USP24: variants seen among roughly 807,000 people sequenced by gnomAD.
USP24 encodes the protein ubiquitin carboxyl-terminal hydrolase 24.
Under a neutral mutation model 361.6 loss-of-function variants are expected in USP24, and 97 were observed. The ratio of observed to expected loss-of-function variants is 0.27; its 90% CI spans 0.23 to 0.32. The LOEUF (loss-of-function observed/expected upper bound fraction) is 0.32, where lower values mean the gene tolerates loss of function less well. USP24 is among the 10% of genes least tolerant of loss of function. The pLI is 1.00. For synonymous variants in USP24, 1,098 were observed against 1,124.6 expected (o/e 0.98, Z 0.47); for missense variants, 2,353 against 3,165.6 (o/e 0.74, Z 6.16).
chr1:55,147,537 C>T, intron 18 of USP24, 112 bp downstream of exon 18: 1 of 1,161,812 alleles, frequency 8.6e-7, no homozygotes, highest in Non-Finnish European at 1.1e-6. Context: ...TACAAAGATA[C>T]CTCATACAAC....
Position 55,142,755 on chromosome 1 carries a change from T to C in USP24, c.2621A>G (p.Tyr874Cys). Residue 874 changes from tyrosine to cysteine, a missense_variant, in exon 23 of 68, where the codon TAC (tyrosine) becomes TGC (cysteine). Coordinates refer to ENST00000294383, the MANE Select transcript of USP24 (RefSeq NM_015306.3). ...TTTGCTACTCACTTCTAATCTTGTG[T>C]AGCAATCAGCAATGAATTTCTTATG... Reference protein sequence around the residue: ...SLHKKFIADCYTRLEAASSAL... With the variant: ...SLHKKFIADCCTRLEAASSAL... 1 of 1,550,296 alleles carries C rather than the reference T, an allele frequency of 6.5e-7. No individual in the cohort carries two copies. The highest frequency in any genetic ancestry group is 8.7e-7 in the Non-Finnish European group (1 of 1,145,404).
chr1:55,096,374 C>T, intron 50 of USP24, 124 bp downstream of exon 50: 1 of 798,180 alleles, frequency 1.3e-6, no homozygotes, highest in Admixed American at 4.0e-5. Flanking sequence ...GGTTCTATTG[C>T]TAGAACAGTA....
At chr1:55,094,182 A>G in intron 51 of USP24, 95 bp from the exon 52 acceptor site, 1 of 1,258,550 alleles carries the variant, frequency 7.9e-7, no homozygotes, top group South Asian at 1.5e-5. Context: ...CGGGTATTAG[A>G]CTATTTGATT....
chr1:55,138,969 G>A lies in USP24; in HGVS notation c.2792C>T (p.Ala931Val), dbSNP rs1646813678. The A allele has an allele frequency of 6.2e-7, 1 of 1,612,594 alleles. No homozygotes were observed. Among genetic ancestry groups the A allele is most frequent in the Non-Finnish European group, 8.5e-7 (1 of 1,179,328 alleles). The change falls in exon 25 of 68, where the codon GCA (alanine) becomes GTA (valine). Residue 931 changes from alanine (A) to valine (V), a missense_variant. Ala to Val is a moderately conservative substitution (Grantham distance 64). This residue lies in a region of USP24 where 949 missense variants were observed against 1,280.5 expected (regional missense o/e 0.74). Transcript: ENST00000294383. Reference sequence around the variant, plus strand: ...CTCTATAGTGATCACATAGCGCTCTGCCAGAAGCAGCAATCTCTCAATTAT... The same window carrying A: ...CTCTATAGTGATCACATAGCGCTCTACCAGAAGCAGCAATCTCTCAATTAT... The part of the protein sequence containing the change: ...LVIIERLLLL[A>V]ERYVITIEDF...
intron 1 of USP24, among the ~76,000 whole-genome samples, chr1:55,186,760 G>T (rs1333381189): frequency 6.6e-6 from 1 of 152,138 alleles, no homozygotes; most frequent in East Asian, 1.9e-4. Context: ...CCAAGGGCTG[G>T]GTGCAGGGGG....
At chr1:55,195,381 G>C (rs1282319934) in intron 1 of USP24, among the ~76,000 whole-genome samples, 5 of 152,122 alleles carry the variant, frequency 3.3e-5, no homozygotes, top group African/African-American at 4.8e-5. Flanking sequence ...TTCGAGCGTT[G>C]AGATTCCTCC....
intron 55 of USP24, 38 bp downstream of exon 55, chr1:55,089,589 A>T: frequency 7.2e-7 from 1 of 1,395,722 alleles, no homozygotes; most frequent in Non-Finnish European, 9.8e-7. Flanking sequence ...ACTGGAAGAG[A>T]CACAAATTTC....
chr1:55,109,471 A>T (rs1198604447), intron 39 of USP24, among the ~76,000 whole-genome samples: 1 of 152,202 alleles, frequency 6.6e-6, no homozygotes, highest in Non-Finnish European at 1.5e-5. Context: ...CTTACAGGGT[A>T]TTTGAACAAC....
In USP24 at chr1:55,074,465, C is replaced by T. The variant is rs565869033; in HGVS notation, c.7448-559G>A. Reference sequence around the variant, plus strand: ...CCTGAGCAACATGATGAAAGTCTGTCTCTACAAAAAAATACAAAAATTAGC... The same window carrying T: ...CCTGAGCAACATGATGAAAGTCTGTTTCTACAAAAAAATACAAAAATTAGC... On this transcript the variant is annotated intron_variant, in intron 63 of 67. Transcript: ENST00000294383. 9.2e-5 allele frequency among the ~76,000 whole-genome samples: 14 copies of T among 152,048 alleles called. 1 individual carries two copies. The South Asian group carries it at 2.7e-3, about 29-fold the overall frequency.
chr1:55,106,047 A>T (rs1645763950), intron 41 of USP24, 99 bp downstream of exon 41: 1 of 923,388 alleles, frequency 1.1e-6, no homozygotes, highest in South Asian at 1.4e-5. Flanking sequence ...ACACAGACTC[A>T]CAGATGGAAG....
At chr1:55,089,515 T>C in intron 55 of USP24, 112 bp downstream of exon 55, 1 of 744,304 alleles carries the variant, frequency 1.3e-6, no homozygotes, top group Non-Finnish European at 2.2e-6. Context: ...TAAAATAGAC[T>C]TTAAGCAGAA....
chr1:55,106,782 A>G (rs1645785676), intron 40 of USP24, among the ~76,000 whole-genome samples: 2 of 152,170 alleles, frequency 1.3e-5, no homozygotes, highest in Non-Finnish European at 2.9e-5. Flanking sequence ...TTGTCTTCTG[A>G]ATACAATTTA....
chr1:55,095,594 C>G (rs1431061005), intron 50 of USP24, among the ~76,000 whole-genome samples, 198 bp from the exon 51 acceptor site: 3 of 152,140 alleles, frequency 2.0e-5, no homozygotes, highest in Non-Finnish European at 4.4e-5. Context: ...GTGGGCCTAG[C>G]TGGATCTCTC....
At chr1:55,134,685 AAG>A (rs1397198777) in intron 28 of USP24, among the ~76,000 whole-genome samples, 1 of 152,186 alleles carries the variant, frequency 6.6e-6, no homozygotes, top group Non-Finnish European at 1.5e-5. Context: ...GGCACAGTAG[AAG>A]AGAGGTAAAG....
At chr1:55,161,352 A>G (rs1239239401) in intron 8 of USP24, among the ~76,000 whole-genome samples, 2 of 151,762 alleles carry the variant, frequency 1.3e-5, no homozygotes, top group Non-Finnish European at 2.9e-5. Context: ...AGCCTGGGCA[A>G]CAGAGCGAGA....
chr1:55,171,487 T>C, intron 5 of USP24, 69 bp downstream of exon 5: 1 of 1,513,062 alleles, frequency 6.6e-7, no homozygotes. Context: ...ACTTGTCTTT[T>C]TTATAGCACA....
At chr1:55,177,831 G>T in intron 2 of USP24, 136 bp downstream of exon 2, 1 of 759,764 alleles carries the variant, frequency 1.3e-6, no homozygotes, top group Non-Finnish European at 2.0e-6. Context: ...CTTTTCTTCT[G>T]CAGGAGATAA....
chr1:55,073,988 A>G, intron 63 of USP24, 82 bp from the exon 64 acceptor site: 1 of 1,106,636 alleles, frequency 9.0e-7, no homozygotes, highest in Non-Finnish European at 1.3e-6. Flanking sequence ...CTCTTGTTCT[A>G]AAAATCGACA....
intron 67 of USP24, 99 bp downstream of exon 67, chr1:55,071,715 A>G: frequency 1.6e-6 from 2 of 1,265,820 alleles, no homozygotes; most frequent in Non-Finnish European, 2.2e-6. Context: ...CTCACATTCC[A>G]GAGGAAGCAT....
Sources: gnomAD v4.1 joint callset for allele counts (sites outside exome capture counted in the v4.1 genomes callset) on GRCh38, gnomAD v4.1.1 for gene constraint, gnomAD v4.1.1 regional missense constraint, MANE v1.5 for transcripts, NCBI Gene and HGNC (gene_info 2026-07-23, HGNC 2026-07-21) for gene names.